DCLK2: variants seen among roughly 807,000 people sequenced by gnomAD.
DCLK2 encodes the protein doublecortin like kinase 2.
In DCLK2, 31 loss-of-function variants were observed where a neutral mutation model predicts 78.4. That is an observed-to-expected ratio of 0.40 (90% CI 0.30 to 0.53). The LOEUF is 0.53. Ranked by LOEUF, DCLK2 falls within the 20% of genes least tolerant of loss-of-function variation. DCLK2 has a pLI of 0.61. For missense variants in DCLK2, 872 were observed against 973.7 expected (o/e 0.90, Z 1.39); for synonymous variants, 407 against 374.9 (o/e 1.09, Z -0.99).
intron 1 of DCLK2, among the ~76,000 whole-genome samples, chr4:150,082,284 ACTT>A (rs1454841099): frequency 6.6e-6 from 1 of 152,184 alleles, no homozygotes; most frequent in Non-Finnish European, 1.5e-5. Flanking sequence ...ACTAGGCTCT[ACTT>A]CTTCGATCCC....
At chr4:150,187,699 C>A (rs775721103) in intron 2 of DCLK2, among the ~76,000 whole-genome samples, 7 of 152,038 alleles carry the variant, frequency 4.6e-5, no homozygotes, top group Non-Finnish European at 8.8e-5. Flanking sequence ...AATGAGTGCT[C>A]AGTAAAAACA....
intron 1 of DCLK2, among the ~76,000 whole-genome samples, chr4:150,100,437 A>G (rs1730808118): frequency 2.0e-5 from 3 of 152,342 alleles, no homozygotes; most frequent in South Asian, 4.1e-4. Context: ...AATCTGATAT[A>G]TGAAATCTGC....
At chr4:150,229,707 G>A (rs1741896568) in intron 8 of DCLK2, among the ~76,000 whole-genome samples, 1 of 152,138 alleles carries the variant, frequency 6.6e-6, no homozygotes, top group Admixed American at 6.5e-5. Context: ...CCTTTGCCAA[G>A]TTAGCAGTTT....
At chr4:150,126,204 A>C (rs1732908820) in intron 2 of DCLK2, among the ~76,000 whole-genome samples, 2 of 151,222 alleles carry the variant, frequency 1.3e-5, no homozygotes, top group African/African-American at 4.9e-5. Context: ...TACGACAGAA[A>C]ATGTTTTTTG....
intron 5 of DCLK2, 21 bp from the exon 6 acceptor site, chr4:150,220,682 A>G: frequency 6.3e-6 from 10 of 1,598,278 alleles, no homozygotes; most frequent in Non-Finnish European, 8.6e-6. Flanking sequence ...CTGATAAATA[A>G]TGGTCATTCT....
intron 8 of DCLK2, 120 bp downstream of exon 8, chr4:150,224,678 G>C: frequency 1.5e-6 from 1 of 682,164 alleles, no homozygotes; most frequent in Non-Finnish European, 2.3e-6. Flanking sequence ...GTAGAGACCA[G>C]TAATAGTGGG....
At chr4:150,171,097 TAAGTC>T (rs1032981926) in intron 2 of DCLK2, among the ~76,000 whole-genome samples, 2 of 152,354 alleles carry the variant, frequency 1.3e-5, no homozygotes, top group East Asian at 3.9e-4. Flanking sequence ...TGGTAACTTC[TAAGTC>T]TATGACTCAG....
At chr4:150,137,359 T>C (rs1275180979) in intron 2 of DCLK2, among the ~76,000 whole-genome samples, 1 of 152,180 alleles carries the variant, frequency 6.6e-6, no homozygotes, top group Non-Finnish European at 1.5e-5. Context: ...ATATGGCCTC[T>C]GGAAGCCCAG....
At chr4:150,170,086 T>C (rs1435503790) in intron 2 of DCLK2, among the ~76,000 whole-genome samples, 1 of 152,342 alleles carries the variant, frequency 6.6e-6, no homozygotes, top group East Asian at 1.9e-4. Flanking sequence ...AGAGTCTCAC[T>C]CTGACACCCA....
chr4:150,194,100 A>T (rs902388197), intron 3 of DCLK2, among the ~76,000 whole-genome samples: 4 of 151,674 alleles, frequency 2.6e-5, no homozygotes, highest in African/African-American at 9.7e-5. Context: ...ATATACAGTC[A>T]TGTACCATGT....
chr4:150,199,207 A>G (rs1739287538), intron 4 of DCLK2: 3 of 834,836 alleles, frequency 3.6e-6, no homozygotes, highest in African/African-American at 1.7e-5. Context: ...TCTGTGTGGT[A>G]TGAAATGCTT....
intron 3 of DCLK2, among the ~76,000 whole-genome samples, chr4:150,196,733 T>A (rs1292802752): frequency 6.6e-6 from 1 of 152,126 alleles, no homozygotes; most frequent in African/African-American, 2.4e-5. Context: ...CATAATTCAT[T>A]CAAAATCTAC....
At chr4:150,081,784 G>C (rs1729308071) in intron 1 of DCLK2, among the ~76,000 whole-genome samples, 1 of 150,906 alleles carries the variant, frequency 6.6e-6, no homozygotes, top group African/African-American at 2.4e-5. Flanking sequence ...CTGAGGTCAG[G>C]AGTTCGAGAC....
At chr4:150,202,639 TG>T (rs1012541475) in intron 4 of DCLK2, among the ~76,000 whole-genome samples, 12 of 152,194 alleles carry the variant, frequency 7.9e-5, no homozygotes, top group African/African-American at 2.9e-4. Context: ...CTTATTAGTG[TG>T]ATTTAAAATA....
chr4:150,104,900 C>T (rs890326218), intron 2 of DCLK2, among the ~76,000 whole-genome samples: 2 of 152,102 alleles, frequency 1.3e-5, no homozygotes, highest in Non-Finnish European at 2.9e-5. Context: ...CAACATTCTT[C>T]TATACATTCT....
chr4:150,225,238 T>A (rs547388993), intron 8 of DCLK2, among the ~76,000 whole-genome samples: 51 of 152,358 alleles, frequency 3.3e-4, no homozygotes, highest in African/African-American at 1.2e-3. Context: ...CAAGGGTGTT[T>A]CCTGGACAAA....
chr4:150,219,335 C>G (rs900333101), intron 5 of DCLK2, among the ~76,000 whole-genome samples: 1 of 131,242 alleles, frequency 7.6e-6, no homozygotes, highest in African/African-American at 2.8e-5. Context: ...GTGGTACGAT[C>G]TCAGCTCACT....
intron 2 of DCLK2, among the ~76,000 whole-genome samples, chr4:150,151,817 C>T (rs1229740311): frequency 3.3e-5 from 5 of 151,838 alleles, no homozygotes; most frequent in Non-Finnish European, 7.4e-5. Context: ...CCCAGCTACT[C>T]GGGAGGCTGA....
chr4:150,246,755 A>G (rs968983182), intron 12 of DCLK2, among the ~76,000 whole-genome samples: 3 of 152,078 alleles, frequency 2.0e-5, no homozygotes, highest in Non-Finnish European at 4.4e-5. Context: ...TTTCCATGAC[A>G]TCATTCATGA....
Sources: allele counts gnomAD v4.1 joint callset (sites outside exome capture counted in the v4.1 genomes callset), GRCh38; gene constraint gnomAD v4.1.1; transcripts MANE v1.5; gene names NCBI Gene and HGNC (gene_info 2026-07-23, HGNC 2026-07-21).